Variants in PKNOX1 observed in about 807,000 individuals in gnomAD.
The protein encoded by PKNOX1 is homeobox protein PKNOX1.
A neutral mutation model predicts 51.9 loss-of-function variants in PKNOX1; 15 were observed. The ratio of observed to expected loss-of-function variants is 0.29; its 90% CI spans 0.19 to 0.45. PKNOX1 has a LOEUF of 0.45. Ranked by LOEUF, PKNOX1 falls within the 20% of genes least tolerant of loss-of-function variation. The pLI is 1.00. For missense variants in PKNOX1, 462 were observed against 547.5 expected, an observed-to-expected ratio of 0.84 and a Z score of 1.56; for synonymous variants, 219 against 211.1, an observed-to-expected ratio of 1.04 and a Z score of -0.32.
chr21:42,992,974 AG>A (rs892370052), intron 1 of PKNOX1, among the ~76,000 whole-genome samples: 4 of 139,658 alleles, frequency 2.9e-5, no homozygotes, highest in Non-Finnish European at 6.2e-5. Context: ...TAGCAGTGTC[AG>A]GGGGGCGTTC....
rs1460409056 is a variant in PKNOX1 at position 43,032,510 on chromosome 21, C to CG, written c.*2412dup. The CG allele has an allele frequency of 4.5e-6, 1 of 224,212 alleles. No homozygotes were observed. The highest frequency in any genetic ancestry group is 2.3e-5 in the African/African-American group (1 of 44,384). 13.9% of individuals were successfully genotyped at this position (224,212 alleles called of 1,614,324 possible). A position where few individuals can be genotyped will look rare whatever the true frequency, so the allele number is the denominator to read the frequency against. Reference sequence around the variant, plus strand: ...GGGCGTGCCTCTAGTTCCAGCTACTCGGGAGTCTGAGGCAGAGGATGGCAT... The same window carrying CG: ...GGGCGTGCCTCTAGTTCCAGCTACTCGGGGAGTCTGAGGCAGAGGATGGCAT... On this transcript the variant is annotated 3_prime_UTR_variant, in exon 11 of 11. Coordinates refer to ENST00000291547, the MANE Select transcript of PKNOX1 (RefSeq NM_004571.5).
chr21:43,011,241 T>C (rs1217372950), intron 4 of PKNOX1, among the ~76,000 whole-genome samples: 1 of 151,614 alleles, frequency 6.6e-6, no homozygotes, highest in African/African-American at 2.4e-5. Flanking sequence ...CTAATTTTTT[T>C]TGTATTTTTA....
In PKNOX1 at chr21:43,030,147, C is replaced by T. The variant is rs1256681093; in HGVS notation, c.*46C>T. Reference sequence around the variant, plus strand: ...GACTTTTTGGAGTTTGCACAGCAAACATTTTACACAGTTTTATTTCTAATA... The same window carrying T: ...GACTTTTTGGAGTTTGCACAGCAAATATTTTACACAGTTTTATTTCTAATA... On this transcript the variant is annotated 3_prime_UTR_variant, in exon 11 of 11. Transcript: ENST00000291547. 1 of 1,353,518 alleles carries T rather than the reference C, an allele frequency of 7.4e-7. No individual in the cohort carries two copies. The highest frequency in any genetic ancestry group is 1.0e-6 in the Non-Finnish European group (1 of 977,786). 83.8% of individuals were successfully genotyped at this position (1,353,518 alleles called of 1,614,324 possible).
At chr21:43,014,242 C>G (rs1311171594) in intron 5 of PKNOX1, among the ~76,000 whole-genome samples, 2 of 152,020 alleles carry the variant, frequency 1.3e-5, no homozygotes, top group South Asian at 2.1e-4. Flanking sequence ...AGGATGGTCT[C>G]GATCTCCTGA....
Position 43,018,125 on chromosome 21 carries a change from C to G in PKNOX1, c.623-8C>G. On this transcript the variant is annotated splice_polypyrimidine_tract_variant and splice_region_variant and intron_variant, in intron 6 of 10. Coordinates refer to ENST00000291547, the MANE Select transcript of PKNOX1 (RefSeq NM_004571.5). ...AAGCAGCCTCATATTTTTATTCTCCCTTTCGAGGTGGCACAGTGTATCAGC... is the reference window on the plus strand; with the variant it reads ...AAGCAGCCTCATATTTTTATTCTCCGTTTCGAGGTGGCACAGTGTATCAGC... 6.5e-7 allele frequency: 1 copy of G among 1,549,580 alleles called. No individual in the cohort carries two copies. Among genetic ancestry groups the G allele is most frequent in the South Asian group, 1.1e-5 (1 of 89,870 alleles).
intron 1 of PKNOX1, among the ~76,000 whole-genome samples, chr21:43,002,575 A>G (rs1302923660): frequency 1.3e-5 from 2 of 152,108 alleles, no homozygotes; most frequent in Non-Finnish European, 2.9e-5. Flanking sequence ...TCAGGCTTCT[A>G]AGGTGTAAGT....
At chr21:43,011,344 CA>C (rs1650543658) in intron 4 of PKNOX1, among the ~76,000 whole-genome samples, 1 of 152,162 alleles carries the variant, frequency 6.6e-6, no homozygotes, top group Admixed American at 6.5e-5. Flanking sequence ...GCAGGGATTA[CA>C]GGTGTGAGCC....
chr21:42,980,888 A>G (rs962806333), intron 1 of PKNOX1, among the ~76,000 whole-genome samples: 2 of 152,214 alleles, frequency 1.3e-5, no homozygotes, highest in Non-Finnish European at 1.5e-5. Flanking sequence ...TTTGCCTTTT[A>G]TCATTCATGT....
In PKNOX1 at chr21:43,033,096, GCT is replaced by G. The variant is rs1360460702; in HGVS notation, c.*2996_*2997del. 6.6e-6 allele frequency: 1 copy of G among 152,204 alleles called. No individual in the cohort carries two copies. Among genetic ancestry groups the G allele is most frequent in the Non-Finnish European group, 1.5e-5 (1 of 68,036 alleles). The allele number at this position is 152,204 out of a possible 1,614,324, so 9.4% of individuals were successfully genotyped here. A position where few individuals can be genotyped will look rare whatever the true frequency, so the allele number is the denominator to read the frequency against. On this transcript the variant is annotated 3_prime_UTR_variant, in exon 11 of 11. Transcript: ENST00000291547. ...TCTTGAGACCCAAATTGAGCATGTT[GCT>G]GTTATTCCTGCCCTGCACCTGTGGA...
chr21:42,998,785 G>A (rs1303414179), intron 1 of PKNOX1, among the ~76,000 whole-genome samples: 2 of 152,148 alleles, frequency 1.3e-5, no homozygotes, highest in South Asian at 4.1e-4. Context: ...CATGGTCCTG[G>A]GCATCTCCGC....
At chr21:42,986,957 G>C (rs2059055101) in intron 1 of PKNOX1, among the ~76,000 whole-genome samples, 1 of 152,152 alleles carries the variant, frequency 6.6e-6, no homozygotes, top group Non-Finnish European at 1.5e-5. Context: ...CCTCTGCTAG[G>C]CGCGGCACCT....
Position 43,021,499 on chromosome 21 carries a change from A to G in PKNOX1, c.849+68A>G, listed in dbSNP as rs1979753230. On this transcript the variant is annotated intron_variant, in intron 8 of 10. Transcript: ENST00000291547. This position sits in a 1 kb window ranked among gnomAD's most constrained non-coding sequence, Gnocchi z 4.6. ...ACGCTTGCTCTCTGGCTTATGTGTC[A>G]TGGAAAAGGGTTACTTCTCTGGGCT... The G allele has an allele frequency of 2.0e-6, 3 of 1,490,640 alleles. No individual in the cohort carries two copies. The highest frequency in any genetic ancestry group is 2.7e-6 in the Non-Finnish European group (3 of 1,110,644). The allele number at this position is 1,490,640 out of a possible 1,614,324, so 92.3% of individuals were successfully genotyped here.
intron 1 of PKNOX1, among the ~76,000 whole-genome samples, chr21:42,999,642 G>A (rs1418496916): frequency 2.6e-5 from 4 of 151,946 alleles, no homozygotes; most frequent in East Asian, 3.9e-4. Flanking sequence ...CACCAAGCCC[G>A]GCTAATTTTC....
rs111813527 is a variant in PKNOX1 at position 43,032,980 on chromosome 21, AC to A, written c.*2884del. ...AGTGGAGAGAATCTGTAAAAGTGTG[AC>A]CCCCTCTAAGATTTCGTTTTAAATG... On this transcript the variant is annotated 3_prime_UTR_variant, in exon 11 of 11. Coordinates refer to ENST00000291547, the MANE Select transcript of PKNOX1 (RefSeq NM_004571.5). 1 of 151,888 alleles carries A rather than the reference AC, an allele frequency of 6.6e-6. No individual in the cohort carries two copies. The highest frequency in any genetic ancestry group is 1.5e-5 in the Non-Finnish European group (1 of 67,976). The allele number at this position is 151,888 out of a possible 1,614,324, so 9.4% of individuals were successfully genotyped here.
intron 1 of PKNOX1, among the ~76,000 whole-genome samples, chr21:42,993,158 G>A (rs868533275): frequency 1.3e-5 from 2 of 152,124 alleles, no homozygotes; most frequent in Non-Finnish European, 1.5e-5. Context: ...CAAAGACCTC[G>A]TGTCTCGATG....
chr21:42,979,361 C>A (rs1472590456), intron 1 of PKNOX1, among the ~76,000 whole-genome samples: 1 of 152,238 alleles, frequency 6.6e-6, no homozygotes, highest in Non-Finnish European at 1.5e-5. Flanking sequence ...GGCTTGCTTT[C>A]TTCATACAGG....
rs1250704851 is a variant in PKNOX1, at chr21:43,030,783, C to T, written c.*682C>T. 2.0e-5 allele frequency: 3 copies of T among 152,274 alleles called. No homozygotes were observed. The highest frequency in any genetic ancestry group is 4.8e-5 in the African/African-American group (2 of 41,428). The allele number at this position is 152,274 out of a possible 1,614,324, so 9.4% of individuals were successfully genotyped here. A position where few individuals can be genotyped will look rare whatever the true frequency, so the allele number is the denominator to read the frequency against. On this transcript the variant is annotated 3_prime_UTR_variant, in exon 11 of 11. Coordinates refer to ENST00000291547, the MANE Select transcript of PKNOX1 (RefSeq NM_004571.5). The stretch of plus-strand genomic sequence containing the variant: ...CTAGAGAAGAAACAATACATGCTTG[C>T]TATTAATATTTCAATTTGGAATGTT...
intron 1 of PKNOX1, among the ~76,000 whole-genome samples, chr21:42,987,398 A>AT (rs1555858083): frequency 5.2e-4 from 48 of 91,810 alleles, no homozygotes; most frequent in African/African-American, 2.1e-3. Flanking sequence ...AAAAAAAAAA[A>AT]AAAAAAATAT....
intron 1 of PKNOX1, among the ~76,000 whole-genome samples, chr21:42,994,366 G>A (rs1344195874): frequency 8.8e-3 from 4 of 454 alleles, no homozygotes; most frequent in South Asian, 0.071. Flanking sequence ...TAGTAGAGGC[G>A]GGGTTTCACC....
Sources: allele counts gnomAD v4.1 joint callset (sites outside exome capture counted in the v4.1 genomes callset), GRCh38; gene constraint gnomAD v4.1.1; non-coding constraint Gnocchi (gnomAD v3.1); transcripts MANE v1.5; gene names NCBI Gene and HGNC (gene_info 2026-07-23, HGNC 2026-07-21).